Variants in MED15 observed in about 807,000 individuals in gnomAD.
MED15 encodes the protein mediator of RNA polymerase II transcription subunit 15.
In MED15, 41 loss-of-function variants were observed where a neutral mutation model predicts 118.7. The observed-to-expected ratio is 0.35, with a 90% CI of 0.27 to 0.45. The LOEUF (loss-of-function observed/expected upper bound fraction) is 0.45. MED15 is among the 20% of genes least tolerant of loss of function. The pLI, the probability that MED15 is intolerant of heterozygous loss-of-function variation, is 1.00. For missense variants in MED15, 740 were observed against 1,025.5 expected (o/e 0.72, Z 3.80); for synonymous variants, 436 against 413.9 (o/e 1.05, Z -0.65).
rs970394191 is a variant in MED15 at position 20,507,852 on chromosome 22, G to C, written c.68+106G>C. On this transcript the variant is annotated intron_variant, in intron 1 of 17. Coordinates refer to ENST00000263205, the MANE Select transcript of MED15 (RefSeq NM_001003891.3). ...GAGAAACCTACGGCGCCGGGAGACA[G>C]AAGGCGCCGGGGACTTGCGTGGGTC... 3 of 1,540,924 alleles carry C rather than the reference G, an allele frequency of 1.9e-6. No homozygotes were observed. In the African/African-American group the frequency reaches 4.1e-5, roughly 21 times the overall value.
chr22:20,516,665 A>C (rs896595553), intron 1 of MED15, among the ~76,000 whole-genome samples: 1 of 149,682 alleles, frequency 6.7e-6, no homozygotes, highest in Non-Finnish European at 1.5e-5. Flanking sequence ...CCGAGGTAGG[A>C]AGGACCATGA....
At chr22:20,582,319 T>C in intron 9 of MED15, 1 of 517,162 alleles carries the variant, frequency 1.9e-6, no homozygotes, top group Non-Finnish European at 3.4e-6. Flanking sequence ...AGACTGCCCT[T>C]TTCCTCACAC....
chr22:20,554,212 G>A (rs1473689796), intron 4 of MED15: 1 of 152,352 alleles, frequency 6.6e-6, no homozygotes, highest in Non-Finnish European at 1.5e-5. Flanking sequence ...ATTGGAGCAT[G>A]GGGTCCTGGG....
At chr22:20,555,409 A>G (rs1486729857) in intron 5 of MED15, among the ~76,000 whole-genome samples, 1 of 152,154 alleles carries the variant, frequency 6.6e-6, no homozygotes, top group Non-Finnish European at 1.5e-5. Context: ...GACTCCATCC[A>G]AAGGTTTGTG....
chr22:20,579,032 G>A (rs2056901875), intron 9 of MED15, among the ~76,000 whole-genome samples: 2 of 152,248 alleles, frequency 1.3e-5, no homozygotes, highest in African/African-American at 4.8e-5. Context: ...CTCAGCACGG[G>A]GGCCCAGGGG....
In MED15 at chr22:20,562,078, T is replaced by C. The variant is rs191024291; in HGVS notation, c.452-2372T>C. ...AGGCTGAGGTGAGAGGATCGCTTGCTTGAGCCTGGAACGCTGAGTCTGCAA... is the reference window on the plus strand; with the variant it reads ...AGGCTGAGGTGAGAGGATCGCTTGCCTGAGCCTGGAACGCTGAGTCTGCAA... On this transcript the variant is annotated intron_variant, in intron 5 of 17. Coordinates refer to ENST00000263205, the MANE Select transcript of MED15 (RefSeq NM_001003891.3). Among the ~76,000 whole-genome samples, 29 of 152,250 alleles carry C rather than the reference T, an allele frequency of 1.9e-4. 1 individual carries two copies. Among genetic ancestry groups the C allele is most frequent in the African/African-American group, 7.0e-4 (29 of 41,546 alleles).
At chr22:20,516,247 A>G (rs935103894) in intron 1 of MED15, among the ~76,000 whole-genome samples, 1 of 151,940 alleles carries the variant, frequency 6.6e-6, no homozygotes, top group African/African-American at 2.4e-5. Flanking sequence ...TGGGAGGCGG[A>G]GGTTGCAGTG....
chr22:20,573,947 C>G (rs6003200), intron 8 of MED15: 6 of 152,200 alleles, frequency 3.9e-5, no homozygotes, highest in Non-Finnish European at 7.3e-5. Context: ...GCAGGAGGAA[C>G]GAGTGAGCTT....
At chr22:20,510,465 T>G (rs2054024469) in intron 1 of MED15, among the ~76,000 whole-genome samples, 1 of 152,228 alleles carries the variant, frequency 6.6e-6, no homozygotes, top group Admixed American at 6.5e-5. Context: ...CCACTAGGTC[T>G]CCTGCTATCA....
chr22:20,574,279 G>C (rs1478164150), intron 8 of MED15: 1 of 152,316 alleles, frequency 6.6e-6, no homozygotes, highest in Non-Finnish European at 1.5e-5. Flanking sequence ...CCAGGGACGA[G>C]ACTCGGGCTC....
intron 11 of MED15, 63 bp downstream of exon 11, chr22:20,583,030 G>A (rs1411589026): frequency 1.3e-6 from 2 of 1,576,564 alleles, no homozygotes; most frequent in African/African-American, 1.3e-5. Flanking sequence ...CTCATACTGG[G>A]TGTGCGAGCT....
chr22:20,530,629 G>A (rs2054818577), intron 1 of MED15, among the ~76,000 whole-genome samples: 1 of 152,194 alleles, frequency 6.6e-6, no homozygotes, highest in African/African-American at 2.4e-5. Context: ...CTCACTGAGA[G>A]GGGAGAGGGT....
intron 3 of MED15, chr22:20,552,501 C>T (rs2055818927): frequency 4.6e-6 from 2 of 430,470 alleles, no homozygotes; most frequent in Non-Finnish European, 9.6e-6. Context: ...ATGATCTGGC[C>T]CAGATGCGCT....
intron 8 of MED15, among the ~76,000 whole-genome samples, chr22:20,571,148 GT>G (rs1223059477): frequency 6.6e-6 from 1 of 152,226 alleles, no homozygotes; most frequent in African/African-American, 2.4e-5. Context: ...GGCCCAGCTG[GT>G]ATGTTCGTTA....
At chr22:20,562,674 G>A (rs1162581367) in intron 5 of MED15, among the ~76,000 whole-genome samples, 6 of 152,080 alleles carry the variant, frequency 3.9e-5, no homozygotes, top group Admixed American at 3.3e-4. Flanking sequence ...GAACCACCGC[G>A]ACCCGCCGGT....
intron 1 of MED15, among the ~76,000 whole-genome samples, chr22:20,516,018 T>C (rs1444491951): frequency 7.4e-6 from 1 of 134,698 alleles, no homozygotes; most frequent in Non-Finnish European, 1.6e-5. Flanking sequence ...ACAAAAAAAA[T>C]TAAAAATAAA....
At chr22:20,548,487 T>C (rs2055641542) in intron 2 of MED15, among the ~76,000 whole-genome samples, 1 of 152,128 alleles carries the variant, frequency 6.6e-6, no homozygotes, top group Non-Finnish European at 1.5e-5. Context: ...ATCTTCTCAA[T>C]AGTAAAAGAT....
chr22:20,508,773 TGGATGTATACGTGCAAGTCACA>T, intron 1 of MED15, among the ~76,000 whole-genome samples: 1 of 152,344 alleles, frequency 6.6e-6, no homozygotes, highest in East Asian at 1.9e-4. Context: ...TCAGGCCATC[TGGATGTATACGTGCAAGTCACA>T]GGGGATGCGA....
intron 2 of MED15, among the ~76,000 whole-genome samples, chr22:20,541,019 G>A (rs1569196994): frequency 6.6e-6 from 1 of 152,142 alleles, no homozygotes; most frequent in East Asian, 1.9e-4. Context: ...ACGAGGTCAG[G>A]AGATTGAGAC....
Sources: gnomAD v4.1 joint callset for allele counts (sites outside exome capture counted in the v4.1 genomes callset) on GRCh38, gnomAD v4.1.1 for gene constraint, MANE v1.5 for transcripts, NCBI Gene and HGNC (gene_info 2026-07-23, HGNC 2026-07-21) for gene names.